Variants in STPG2 observed in about 807,000 individuals in gnomAD.
STPG2 encodes sperm-tail PG-rich repeat-containing protein 2.
A neutral mutation model predicts 54.2 loss-of-function variants in STPG2; 56 were observed. The ratio of observed to expected loss-of-function variants is 1.03; its 90% confidence interval spans 0.83 to 1.29. The LOEUF is 1.29. Among genes scored for constraint, STPG2 ranks in the 50% most tolerant of loss-of-function variants. STPG2 has a pLI of 0.00. For missense variants in STPG2, 596 were observed against 544.9 expected, an observed-to-expected ratio of 1.09 and a Z score of -0.93; for synonymous variants, 200 against 181.8, an observed-to-expected ratio of 1.10 and a Z score of -0.81.
At chr4:97,813,202 G>A (rs1235243744) in intron 9 of STPG2, among the ~76,000 whole-genome samples, 1 of 151,524 alleles carries the variant, frequency 6.6e-6, no homozygotes, top group South Asian at 2.1e-4. Context: ...CTTGAATAAC[G>A]CTAGGTATAA....
At chr4:97,948,971 T>G (rs931422417) in intron 7 of STPG2, among the ~76,000 whole-genome samples, 1 of 152,082 alleles carries the variant, frequency 6.6e-6, no homozygotes, top group African/African-American at 2.4e-5. Context: ...TTTGTTGAAT[T>G]TCTGTCTCAG....
chr4:97,488,060 C>T (rs936894032), intron 4 of STPG2, among the ~76,000 whole-genome samples: 4 of 151,508 alleles, frequency 2.6e-5, no homozygotes, highest in Non-Finnish European at 5.9e-5. Flanking sequence ...ACAGAAATAA[C>T]TACAATTCTG....
At chr4:97,453,823 T>G (rs917904974) in intron 4 of STPG2, among the ~76,000 whole-genome samples, 1 of 152,118 alleles carries the variant, frequency 6.6e-6, no homozygotes, top group Admixed American at 6.5e-5. Context: ...AACTTAGAAG[T>G]ATGCATAGTC....
intron 5 of STPG2, among the ~76,000 whole-genome samples, chr4:98,031,711 T>G (rs1459210583): frequency 6.6e-6 from 1 of 151,540 alleles, no homozygotes; most frequent in African/African-American, 2.4e-5. Flanking sequence ...TAAAAAAAAG[T>G]AAATAACTGG....
intron 7 of STPG2, among the ~76,000 whole-genome samples, chr4:97,945,895 C>CA (rs1733196595): frequency 6.6e-6 from 1 of 151,964 alleles, no homozygotes; most frequent in South Asian, 2.1e-4. Context: ...CCTATCTCTA[C>CA]AAAAAACACA....
intron 4 of STPG2, among the ~76,000 whole-genome samples, chr4:97,470,031 A>G (rs969049682): frequency 4.6e-5 from 7 of 152,134 alleles, no homozygotes; most frequent in African/African-American, 1.7e-4. Context: ...ATCCTTATGT[A>G]ACAGTGAATC....
At chr4:97,965,226 C>A (rs766541338) in intron 7 of STPG2, among the ~76,000 whole-genome samples, 2 of 152,196 alleles carry the variant, frequency 1.3e-5, no homozygotes, top group African/African-American at 2.4e-5. Flanking sequence ...GCCCACAGAG[C>A]CTTGCTCACT....
At chr4:97,559,169 AAAAAT>A (rs1732156783) in intron 10 of STPG2, 52 bp from the exon 11 acceptor site, 2 of 1,167,294 alleles carry the variant, frequency 1.7e-6, no homozygotes, top group Non-Finnish European at 2.5e-6. Context: ...TTACAAAAAG[AAAAAT>A]AATATTCATT....
At chr4:97,958,437 T>C (rs1453140101) in intron 7 of STPG2, among the ~76,000 whole-genome samples, 1 of 152,098 alleles carries the variant, frequency 6.6e-6, no homozygotes, top group Admixed American at 6.6e-5. Context: ...ATTTAAAAAA[T>C]ACAGAATTGC....
intron 5 of STPG2, among the ~76,000 whole-genome samples, chr4:98,079,581 T>C (rs1464985891): frequency 6.6e-6 from 1 of 152,214 alleles, no homozygotes; most frequent in Admixed American, 6.6e-5. Context: ...ACTACTTCTC[T>C]TTATTAATTC....
chr4:97,565,334 T>A (rs1439084579), intron 10 of STPG2, among the ~76,000 whole-genome samples: 1 of 152,208 alleles, frequency 6.6e-6, no homozygotes, highest in Non-Finnish European at 1.5e-5. Flanking sequence ...TATACATTCA[T>A]CGAAATTTTT....
intron 8 of STPG2, among the ~76,000 whole-genome samples, chr4:97,846,450 C>T (rs533285068): frequency 2.0e-5 from 3 of 151,884 alleles, no homozygotes; most frequent in African/African-American, 7.2e-5. Flanking sequence ...CATGGTGAAA[C>T]CCCATCTCTA....
chr4:97,637,898 C>T (rs574686891), intron 10 of STPG2, among the ~76,000 whole-genome samples: 17 of 151,886 alleles, frequency 1.1e-4, no homozygotes, highest in Admixed American at 9.2e-4. Context: ...GAATCAATAT[C>T]GTGAAAATGG....
At chr4:97,580,142 T>C (rs985845686) in intron 10 of STPG2, among the ~76,000 whole-genome samples, 5 of 151,944 alleles carry the variant, frequency 3.3e-5, no homozygotes, top group Non-Finnish European at 7.4e-5. Flanking sequence ...TAGCCAATTA[T>C]TACACTATAA....
intron 10 of STPG2, among the ~76,000 whole-genome samples, chr4:97,688,096 G>C (rs1372292859): frequency 6.6e-6 from 1 of 151,892 alleles, no homozygotes; most frequent in Non-Finnish European, 1.5e-5. Context: ...AAACCCAAAT[G>C]ATGAAAATCT....
intron 4 of STPG2, among the ~76,000 whole-genome samples, chr4:97,517,368 TG>T (rs1731096426): frequency 6.6e-6 from 1 of 152,116 alleles, no homozygotes; most frequent in South Asian, 2.1e-4. Context: ...GCTTCTAATT[TG>T]TTCTGGACAT....
chr4:97,489,924 G>A (rs1440780294), intron 4 of STPG2: 2 of 151,068 alleles, frequency 1.3e-5, no homozygotes, highest in African/African-American at 4.9e-5. Context: ...ACTATATGAA[G>A]AGAACATTTA....
chr4:97,786,212 C>T (rs1247306048), intron 9 of STPG2, among the ~76,000 whole-genome samples: 3 of 150,362 alleles, frequency 2.0e-5, no homozygotes, highest in Admixed American at 1.3e-4. Context: ...AAAAAAAAAT[C>T]TTACCAGGAT....
chr4:98,069,703 T>A (rs1389633484), intron 5 of STPG2, among the ~76,000 whole-genome samples: 1 of 152,064 alleles, frequency 6.6e-6, no homozygotes, highest in Non-Finnish European at 1.5e-5. Flanking sequence ...CTTTTCAAGA[T>A]TTGTATAAGC....
Sources: allele counts gnomAD v4.1 joint callset (sites outside exome capture counted in the v4.1 genomes callset), GRCh38; gene constraint gnomAD v4.1.1; transcripts MANE v1.5; gene names NCBI Gene and HGNC (gene_info 2026-07-23, HGNC 2026-07-21).